SIDT1: variants seen among roughly 807,000 people sequenced by gnomAD.
SIDT1 encodes the protein SID1 transmembrane family member 1.
SIDT1 carries 101 observed loss-of-function variants against 107.5 expected under a neutral mutation model. That is an observed-to-expected ratio of 0.94 (90% CI 0.80 to 1.11). The LOEUF (loss-of-function observed/expected upper bound fraction) is 1.11, where lower values mean the gene tolerates loss of function less well. SIDT1 is among the 50% of genes least tolerant of loss of function. SIDT1 has a pLI of 0.00. For missense variants in SIDT1, 1,076 were observed against 1,058.2 expected, an observed-to-expected ratio of 1.02 and a Z score of -0.23; for synonymous variants, 395 against 398.2, an observed-to-expected ratio of 0.99 and a Z score of 0.10.
chr3:113,623,694 C>T lies in SIDT1; in HGVS notation c.2268C>T (p.Ala756=), dbSNP rs371460938. The T allele has an allele frequency of 1.8e-5, 29 of 1,613,884 alleles. No individual in the cohort carries two copies. In the African/African-American group the frequency reaches 3.2e-4, roughly 18 times the overall value. The part of the protein sequence containing the change: ...CIVATAVMWA[A]ALYFFFQNLS... ...TGGCCACCGCTGTGATGTGGGCTGC[C>T]GCCCTATATTTTTTCTTCCAGAATC... Residue 756 remains alanine, a synonymous_variant, in exon 23 of 25, where the codon GCC becomes GCT. Coordinates refer to ENST00000264852, the MANE Select transcript of SIDT1 (RefSeq NM_017699.3).
At chr3:113,615,775 CTAGAG>C (rs1398454209) in intron 19 of SIDT1, among the ~76,000 whole-genome samples, 8 of 152,162 alleles carry the variant, frequency 5.3e-5, no homozygotes, top group Non-Finnish European at 1.2e-4. Flanking sequence ...GAAAACACCA[CTAGAG>C]TAAACTGTAA....
intron 4 of SIDT1, among the ~76,000 whole-genome samples, chr3:113,577,986 AC>A (rs1314072612): frequency 8.5e-5 from 13 of 152,178 alleles, no homozygotes; most frequent in African/African-American, 2.9e-4. Flanking sequence ...GCCTGAATGA[AC>A]CAACTCCAAT....
At chr3:113,555,286 A>G (rs914251380) in intron 1 of SIDT1, among the ~76,000 whole-genome samples, 13 of 152,150 alleles carry the variant, frequency 8.5e-5, no homozygotes, top group Admixed American at 5.2e-4. Flanking sequence ...ATGCAATCCC[A>G]CAGGAACTTG....
At chr3:113,555,851 T>C (rs1576748393) in intron 1 of SIDT1, among the ~76,000 whole-genome samples, 1 of 554 alleles carries the variant, frequency 1.8e-3, no homozygotes, top group East Asian at 0.25. Context: ...TATATAATCT[T>C]TTTTTTTTTT....
chr3:113,546,900 A>G (rs1356253956), intron 1 of SIDT1, among the ~76,000 whole-genome samples: 1 of 152,204 alleles, frequency 6.6e-6, no homozygotes, highest in African/African-American at 2.4e-5. Flanking sequence ...TGGAGCTAAC[A>G]GAAATTTCAT....
At chr3:113,601,436 A>G (rs1944951535) in intron 10 of SIDT1, 152 bp from the exon 11 acceptor site, 1 of 515,372 alleles carries the variant, frequency 1.9e-6, no homozygotes, top group Non-Finnish European at 3.5e-6. Flanking sequence ...TAGATTTGGC[A>G]GATGGGTCAT....
intron 1 of SIDT1, among the ~76,000 whole-genome samples, chr3:113,538,362 G>A (rs1452438919): frequency 1.3e-5 from 2 of 152,230 alleles, no homozygotes; most frequent in Non-Finnish European, 2.9e-5. Flanking sequence ...TGCCTACGCA[G>A]ACTTGATAAT....
chr3:113,557,391 A>G (rs977135777), intron 1 of SIDT1, among the ~76,000 whole-genome samples: 4 of 152,232 alleles, frequency 2.6e-5, no homozygotes, highest in African/African-American at 9.6e-5. Context: ...CTTACTTGGA[A>G]GTATCATCTT....
intron 12 of SIDT1, 131 bp downstream of exon 12, chr3:113,603,281 C>T (rs1045440303): frequency 1.1e-6 from 1 of 909,832 alleles, no homozygotes; most frequent in African/African-American, 1.7e-5. Context: ...AGACTTAAAT[C>T]AAATGTACCT....
At chr3:113,571,486 G>GCACA (rs60256247) in intron 3 of SIDT1, among the ~76,000 whole-genome samples, 2,237 of 148,882 alleles carry the variant, frequency 0.015, 24 homozygotes, top group East Asian at 0.063. Flanking sequence ...CCTATCCTCT[G>GCACA]CACACACACA....
rs34308658 is a variant in SIDT1, at chr3:113,541,925, C to CTT, written c.222+8698_222+8699dup. The stretch of plus-strand genomic sequence containing the variant: ...AGTAGGTCAATTTTTCTTTTTCTTT[C>CTT]TTTTTTTTTTTTTTTTTAGATGGAG... On this transcript the variant is annotated intron_variant, in intron 1 of 24. Transcript: ENST00000264852. Among the ~76,000 whole-genome samples the CTT allele has an allele frequency of 1.3e-4, 17 of 128,214 alleles. No homozygotes were observed. The East Asian group carries it at 2.7e-3, about 21-fold the overall frequency. The allele number at this position is 128,214 out of a possible 152,430, so 84.1% of individuals were successfully genotyped here.
chr3:113,599,157 G>A (rs746123758), intron 10 of SIDT1, among the ~76,000 whole-genome samples: 5 of 152,136 alleles, frequency 3.3e-5, no homozygotes, highest in Non-Finnish European at 7.4e-5. Flanking sequence ...ATAAAATAGG[G>A]AGCTTGAAAA....
intron 19 of SIDT1, 144 bp from the exon 20 acceptor site, chr3:113,615,956 G>T: frequency 1.4e-6 from 1 of 697,192 alleles, no homozygotes; most frequent in Non-Finnish European, 2.6e-6. Context: ...AATACTTATT[G>T]CGCACCTATT....
At chr3:113,547,303 C>T (rs956640731) in intron 1 of SIDT1, among the ~76,000 whole-genome samples, 2 of 151,878 alleles carry the variant, frequency 1.3e-5, no homozygotes, top group Non-Finnish European at 2.9e-5. Flanking sequence ...GTGTTCTGTT[C>T]CTGTAGAGGA....
intron 1 of SIDT1, among the ~76,000 whole-genome samples, chr3:113,553,039 A>G (rs1056917357): frequency 6.6e-6 from 1 of 152,154 alleles, no homozygotes; most frequent in African/African-American, 2.4e-5. Flanking sequence ...TGACAGGGGG[A>G]AAAGCTGGGG....
At position 113,558,042 on chromosome 3, in the gene SIDT1, A is replaced by G. The variant is rs1206631464; in HGVS notation, c.223-8378A>G. Among the ~76,000 whole-genome samples the G allele has an allele frequency of 2.0e-5, 3 of 151,914 alleles. No homozygotes were observed. The East Asian group carries it at 5.8e-4, about 29-fold the overall frequency. ...ATATGAGAGACAGAAAGAGAGAGAG[A>G]CAGACAGACAGAGAGAGAGGGGGAT... On this transcript the variant is annotated intron_variant, in intron 1 of 24. Coordinates refer to ENST00000264852, the MANE Select transcript of SIDT1 (RefSeq NM_017699.3).
At chr3:113,571,471 A>C (rs1240774548) in intron 3 of SIDT1, among the ~76,000 whole-genome samples, 5 of 99,556 alleles carry the variant, frequency 5.0e-5, no homozygotes, top group Non-Finnish European at 8.2e-5. Context: ...GCTTGGTGCC[A>C]TCTACCTATC....
intron 3 of SIDT1, among the ~76,000 whole-genome samples, chr3:113,569,788 T>C (rs1194129903): frequency 6.6e-6 from 1 of 152,212 alleles, no homozygotes; most frequent in East Asian, 1.9e-4. Flanking sequence ...AATCAGAGGC[T>C]GTAGGGGAGA....
At chr3:113,596,990 G>C (rs943571853) in intron 10 of SIDT1, among the ~76,000 whole-genome samples, 4 of 152,168 alleles carry the variant, frequency 2.6e-5, no homozygotes, top group Non-Finnish European at 5.9e-5. Flanking sequence ...GAATTTGGAG[G>C]ACTCAAGGAA....
Sources: allele counts gnomAD v4.1 joint callset (sites outside exome capture counted in the v4.1 genomes callset), GRCh38; gene constraint gnomAD v4.1.1; transcripts MANE v1.5; gene names NCBI Gene and HGNC (gene_info 2026-07-23, HGNC 2026-07-21).